VWA5B1: variants seen among roughly 807,000 people sequenced by gnomAD.
VWA5B1 encodes the protein von Willebrand factor A domain-containing protein 5B1.
Under a neutral mutation model 118.2 loss-of-function variants are expected in VWA5B1, and 115 were observed. The ratio of observed to expected loss-of-function variants is 0.97; its 90% CI spans 0.84 to 1.14. VWA5B1 has a LOEUF of 1.14. Ranked by LOEUF, VWA5B1 falls within the 50% of genes most tolerant of loss-of-function variation. The pLI, the probability that VWA5B1 is intolerant of heterozygous loss-of-function variation, is 0.00. For missense variants in VWA5B1, 1,596 were observed against 1,603.8 expected, an observed-to-expected ratio of 1.00 and a Z score of 0.08; for synonymous variants, 682 against 658.4, an observed-to-expected ratio of 1.04 and a Z score of -0.55.
In VWA5B1 at chr1:20,357,701, C is replaced by T. The variant is rs1384391340; in HGVS notation, c.*3438C>T. ...CTCTGTTTCATGAATCATTTTCCCACTCCTTGGTTCTCTAGGTGGGTTTGT... is the reference window on the plus strand; with the variant it reads ...CTCTGTTTCATGAATCATTTTCCCATTCCTTGGTTCTCTAGGTGGGTTTGT... On this transcript the variant is annotated 3_prime_UTR_variant, in exon 22 of 22. Transcript: ENST00000289815. 1.3e-5 allele frequency among the ~76,000 whole-genome samples: 2 copies of T among 152,202 alleles called. No homozygotes were observed. Among genetic ancestry groups the T allele is most frequent in the Admixed American group, 1.3e-4 (2 of 15,290 alleles).
intron 12 of VWA5B1, among the ~76,000 whole-genome samples, chr1:20,333,311 C>G (rs935917456): frequency 2.0e-5 from 3 of 152,194 alleles, no homozygotes; most frequent in Non-Finnish European, 4.4e-5. Context: ...CCGTTCTCTA[C>G]TAAAAATATA....
Position 20,343,207 on chromosome 1 carries a change from G to A in VWA5B1, c.2440G>A (p.Val814Ile), listed in dbSNP as rs1409163161. ...TPAPVLGKAL[V>I]KGLHDSQRLQ... is the part of the protein sequence containing the mutation. ...GGCCCCGGTGCTGGGCAAGGCCCTG[G>A]TCAAAGGCCTGCACGACAGCCAACG... The change falls in exon 16 of 22, where the codon GTC becomes ATC. Residue 814 changes from valine (V) to isoleucine (I), a missense_variant. By Grantham distance (29) the Val-to-Ile change is conservative. Coordinates refer to ENST00000289815, the MANE Select transcript of VWA5B1 (RefSeq NM_001039500.3). The A allele has an allele frequency of 1.9e-6, 3 of 1,549,636 alleles. No individual in the cohort carries two copies. The South Asian group carries it at 3.6e-5, about 18-fold the overall frequency.
chr1:20,320,410 A>G (rs1335267547), intron 7 of VWA5B1, among the ~76,000 whole-genome samples: 1 of 152,204 alleles, frequency 6.6e-6, no homozygotes, highest in Non-Finnish European at 1.5e-5. Context: ...CTAGAAGCAC[A>G]TGCTCTCCCA....
intron 9 of VWA5B1, 50 bp downstream of exon 9, chr1:20,328,050 C>T: frequency 1.3e-6 from 2 of 1,508,576 alleles, no homozygotes; most frequent in South Asian, 2.4e-5. Flanking sequence ...TGGTGGGGAG[C>T]AGAGGAAAGG....
chr1:20,311,066 G>A (rs750137683), intron 2 of VWA5B1, among the ~76,000 whole-genome samples: 1 of 152,232 alleles, frequency 6.6e-6, no homozygotes, highest in East Asian at 1.9e-4. Context: ...TCCACCTCCC[G>A]GGCTCAAGAG....
chr1:20,344,297 T>C (rs1157070411), intron 16 of VWA5B1, among the ~76,000 whole-genome samples: 3 of 151,932 alleles, frequency 2.0e-5, no homozygotes, highest in South Asian at 4.2e-4. Flanking sequence ...GACAGAACAA[T>C]GGTGACAGCC....
At chr1:20,333,799 C>G (rs1312490981) in intron 12 of VWA5B1, among the ~76,000 whole-genome samples, 1 of 152,206 alleles carries the variant, frequency 6.6e-6, no homozygotes, top group Non-Finnish European at 1.5e-5. Context: ...GAAGCTGTTT[C>G]CTCACCTATC....
rs2088894210 is a variant in VWA5B1, at chr1:20,312,936, G to C, written c.240G>C (p.Lys80Asn). The C allele has an allele frequency of 1.0e-5, 16 of 1,551,698 alleles. No homozygotes were observed. Among genetic ancestry groups the C allele is most frequent in the Non-Finnish European group, 1.4e-5 (16 of 1,147,002 alleles). ...CAGTACAGATCAAGGACAAAGCCAA[G>C]CTGGAGAGCGGCCACTTCGATGCCT... ...VVTVQIKDKA[K>N]LESGHFDASH... Residue 80 changes from lysine (K) to asparagine (N), a missense_variant, in exon 3 of 22, where the codon AAG becomes AAC. Transcript: ENST00000289815.
In VWA5B1 at chr1:20,330,224, C is replaced by A. The variant is rs776586321; in HGVS notation, c.1299C>A (p.Ala433=). The change falls in exon 10 of 22, where the codon GCC becomes GCA. Residue 433 remains alanine (A), a synonymous_variant. Coordinates refer to ENST00000289815, the MANE Select transcript of VWA5B1 (RefSeq NM_001039500.3). ...MACDDIQRMK[A]DMGGTNILSP... The stretch of plus-strand genomic sequence containing the variant: ...GTGATGACATCCAGAGAATGAAGGC[C>A]GACATGGGTGGGACCAACATCCTTT... 145 of 1,551,602 alleles carry A rather than the reference C, an allele frequency of 9.3e-5. No individual in the cohort carries two copies. The highest frequency in any genetic ancestry group is 1.2e-4 in the Non-Finnish European group (138 of 1,147,018).
intron 7 of VWA5B1, among the ~76,000 whole-genome samples, chr1:20,320,427 C>T (rs1002372356): frequency 6.6e-6 from 1 of 152,212 alleles, no homozygotes; most frequent in Non-Finnish European, 1.5e-5. Flanking sequence ...CCCAGAGGTG[C>T]CCCTCAGCCA....
chr1:20,323,747 A>T (rs2089293768), intron 8 of VWA5B1, among the ~76,000 whole-genome samples: 1 of 152,240 alleles, frequency 6.6e-6, no homozygotes, highest in Non-Finnish European at 1.5e-5. Context: ...GGATGAAGTC[A>T]TCCGTAGCTG....
At chr1:20,308,400 G>T (rs919986416) in intron 1 of VWA5B1, among the ~76,000 whole-genome samples, 1 of 152,164 alleles carries the variant, frequency 6.6e-6, no homozygotes, top group South Asian at 2.1e-4. Flanking sequence ...GTCTGGGATC[G>T]CTGCATGTCT....
At chr1:20,336,129 A>G (rs922260182) in intron 12 of VWA5B1, among the ~76,000 whole-genome samples, 174 bp from the exon 13 acceptor site, 2 of 152,254 alleles carry the variant, frequency 1.3e-5, no homozygotes, top group African/African-American at 4.8e-5. Context: ...TCCATTCACC[A>G]TCTCTTGAAC....
chr1:20,333,614 T>G (rs536193170), intron 12 of VWA5B1, among the ~76,000 whole-genome samples: 1 of 152,240 alleles, frequency 6.6e-6, no homozygotes, highest in Non-Finnish European at 1.5e-5. Flanking sequence ...CAAGAACAAA[T>G]GCACTCAGAT....
At chr1:20,344,146 G>A (rs2089959514) in intron 16 of VWA5B1, among the ~76,000 whole-genome samples, 1 of 150,630 alleles carries the variant, frequency 6.6e-6, no homozygotes, top group South Asian at 2.1e-4. Flanking sequence ...CTGCCTCCGA[G>A]TAAGTGGTCC....
intron 17 of VWA5B1, 130 bp from the exon 18 acceptor site, chr1:20,348,115 T>G: frequency 1.1e-6 from 1 of 880,036 alleles, no homozygotes; most frequent in Non-Finnish European, 1.8e-6. Context: ...GGTCTTACCC[T>G]GTACAACACC....
In VWA5B1 at chr1:20,312,830, C is replaced by T. The variant is rs749978940; in HGVS notation, c.140-6C>T. On this transcript the variant is annotated splice_polypyrimidine_tract_variant and splice_region_variant and intron_variant, in intron 2 of 21. Coordinates refer to ENST00000289815, the MANE Select transcript of VWA5B1 (RefSeq NM_001039500.3). ...CACCCCGTGATGCTGGGCCCTGCTC[C>T]GACAGGCCTCTTCGTGTACCCCCTG... The T allele has an allele frequency of 6.1e-5, 94 of 1,546,998 alleles. 3 individuals carry two copies. The South Asian group carries it at 7.8e-4, about 13-fold the overall frequency.
intron 13 of VWA5B1, 83 bp from the exon 14 acceptor site, chr1:20,337,563 C>T (rs900443742): frequency 7.0e-7 from 1 of 1,426,862 alleles, no homozygotes. Flanking sequence ...ACGTGAGACA[C>T]TTCCAAACAG....
intron 1 of VWA5B1, among the ~76,000 whole-genome samples, chr1:20,298,950 C>T (rs4655187): frequency 0.23 from 34,664 of 152,020 alleles, 4,437 homozygotes; most frequent in East Asian, 0.39. Context: ...TGGAAGTGGC[C>T]GGAGTTCAGT....
Sources: gnomAD v4.1 joint callset for allele counts (sites outside exome capture counted in the v4.1 genomes callset) on GRCh38, gnomAD v4.1.1 for gene constraint, MANE v1.5 for transcripts, NCBI Gene and HGNC (gene_info 2026-07-23, HGNC 2026-07-21) for gene names.